Variants in CEP131 observed in about 807,000 individuals in gnomAD.
CEP131 encodes centrosomal protein 131.
CEP131 carries 99 observed loss-of-function variants against 136.8 expected under a neutral mutation model. That is an observed-to-expected ratio of 0.72 (90% CI 0.62 to 0.86). The LOEUF (loss-of-function observed/expected upper bound fraction) is 0.86, where lower values mean the gene tolerates loss of function less well. Ranked by LOEUF, CEP131 falls within the 40% of genes least tolerant of loss-of-function variation. The pLI is 0.00. For synonymous variants in CEP131, 646 were observed against 612.7 expected (o/e 1.05, Z -0.80); for missense variants, 1,459 against 1,463.0 (o/e 1.00, Z 0.04).
chr17:81,190,597 T>C lies in CEP131; in HGVS notation c.3107+42A>G, dbSNP rs1028551068. 2.0e-6 allele frequency: 3 copies of C among 1,505,168 alleles called. No homozygotes were observed. The African/African-American group carries it at 4.2e-5, about 21-fold the overall frequency. 93.2% of individuals were successfully genotyped at this position (1,505,168 alleles called of 1,614,324 possible). On this transcript the variant is annotated intron_variant, in intron 24 of 25. Coordinates refer to ENST00000450824, the MANE Select transcript of CEP131 (RefSeq NM_014984.4). ...GCTGCAGAGGTCCTGCCCGCTCCCC[T>C]GCCCCGCCTCCGTCTCCAGCCCTGC...
rs531909883 is a variant in CEP131, at chr17:81,219,372, C to A, written c.177+508G>T. Among the ~76,000 whole-genome samples the A allele has an allele frequency of 5.3e-5, 8 of 151,578 alleles. No individual in the cohort carries two copies. Among genetic ancestry groups the A allele is most frequent in the African/African-American group, 1.7e-4 (7 of 41,300 alleles). ...GCAACGGCACGATCTCGGCTCACCG[C>A]AACCTCTGCCTCCTGGGTTCGAGCA... On this transcript the variant is annotated intron_variant, in intron 2 of 25. Coordinates refer to ENST00000450824, the MANE Select transcript of CEP131 (RefSeq NM_014984.4). This position sits in a 1 kb window ranked among gnomAD's most constrained non-coding sequence, Gnocchi z 4.0.
chr17:81,211,960 A>G (rs1352121290), intron 2 of CEP131, among the ~76,000 whole-genome samples: 1 of 151,282 alleles, frequency 6.6e-6, no homozygotes, highest in African/African-American at 2.4e-5. Flanking sequence ...GAAAAAATAG[A>G]AAAATCAGCA....
In CEP131 at chr17:81,219,873, T is replaced by C. The variant is rs1367568741; in HGVS notation, c.177+7A>G. 3 of 1,592,726 alleles carry C rather than the reference T, an allele frequency of 1.9e-6. No individual in the cohort carries two copies. The South Asian group carries it at 3.4e-5, about 18-fold the overall frequency. On this transcript the variant is annotated splice_region_variant and intron_variant, in intron 2 of 25. Coordinates refer to ENST00000450824, the MANE Select transcript of CEP131 (RefSeq NM_014984.4). The surrounding 1 kb of genome is among the most constrained non-coding windows in gnomAD (Gnocchi z 4.0). Reference sequence around the variant, plus strand: ...AGGGGCCCGGACTCCTAGGCCACAGTACTCACCAGCACCTTCCTCTTCTGC... The same window carrying C: ...AGGGGCCCGGACTCCTAGGCCACAGCACTCACCAGCACCTTCCTCTTCTGC...
chr17:81,216,632 T>C (rs2062252254), intron 2 of CEP131, among the ~76,000 whole-genome samples: 1 of 151,882 alleles, frequency 6.6e-6, no homozygotes, highest in Non-Finnish European at 1.5e-5. Context: ...GTGCCCAGAG[T>C]AAGTGTGGGT....
rs147896082 is a variant in CEP131, at chr17:81,203,579, C to A, written c.544G>T (p.Val182Phe). 6.2e-7 allele frequency: 1 copy of A among 1,603,594 alleles called. No individual in the cohort carries two copies. Among genetic ancestry groups the A allele is most frequent in the Non-Finnish European group, 8.5e-7 (1 of 1,175,892 alleles). The change falls in exon 6 of 26, where the codon GTC (valine) becomes TTC (phenylalanine). Residue 182 changes from valine (V) to phenylalanine (F), a missense_variant. By Grantham distance (50) the Val-to-Phe change is conservative. Around this residue, in one of 3 missense-constraint regions of CEP131, gnomAD observed 246 missense variants for 318.9 expected, o/e 0.77. Coordinates refer to ENST00000450824, the MANE Select transcript of CEP131 (RefSeq NM_014984.4). The surrounding 1 kb of genome is among the most constrained non-coding windows in gnomAD (Gnocchi z 4.6). ...TAGCGGTTGTGCACCATGGTGGTGACGCAGTTGCCCACTGCTCCCTTGTTG... is the reference window on the plus strand; with the variant it reads ...TAGCGGTTGTGCACCATGGTGGTGAAGCAGTTGCCCACTGCTCCCTTGTTG... The part of the protein sequence containing the change: ...RSNKGAVGNC[V>F]TTMVHNRYTP...
intron 16 of CEP131, 26 bp downstream of exon 16, chr17:81,195,809 C>A (rs1392261648): frequency 5.0e-6 from 8 of 1,587,372 alleles, no homozygotes; most frequent in Non-Finnish European, 6.8e-6. Flanking sequence ...GCTTGGGACG[C>A]CGTGCAGTAG....
intron 2 of CEP131, among the ~76,000 whole-genome samples, chr17:81,218,168 G>A (rs1052296561): frequency 3.9e-5 from 6 of 152,094 alleles, no homozygotes; most frequent in Non-Finnish European, 7.3e-5. Context: ...TCAGCCTCCT[G>A]AGTAGCTGGG....
chr17:81,215,444 C>T lies in CEP131; in HGVS notation c.177+4436G>A, dbSNP rs1200787871. Among the ~76,000 whole-genome samples, 4 of 152,084 alleles carry T rather than the reference C, an allele frequency of 2.6e-5. No homozygotes were observed. Among genetic ancestry groups the T allele is most frequent in the South Asian group, 2.1e-4 (1 of 4,810 alleles). ...TTTAATTTTTTTTGAAATGGAGTCTCGCTGTCACCCAGGCTAGAGTGTGGT... is the reference window on the plus strand; with the variant it reads ...TTTAATTTTTTTTGAAATGGAGTCTTGCTGTCACCCAGGCTAGAGTGTGGT... On this transcript the variant is annotated intron_variant, in intron 2 of 25. Coordinates refer to ENST00000450824, the MANE Select transcript of CEP131 (RefSeq NM_014984.4). The surrounding 1 kb of genome is among the most constrained non-coding windows in gnomAD (Gnocchi z 4.1).
chr17:81,205,260 A>G (rs1211373534), intron 5 of CEP131, among the ~76,000 whole-genome samples: 1 of 151,862 alleles, frequency 6.6e-6, no homozygotes, highest in Non-Finnish European at 1.5e-5. Flanking sequence ...CTTCGTCTCA[A>G]AAACAAAAAC....
At chr17:81,213,290 T>C (rs1477462753) in intron 2 of CEP131, among the ~76,000 whole-genome samples, 1 of 152,226 alleles carries the variant, frequency 6.6e-6, no homozygotes, top group African/African-American at 2.4e-5. Context: ...CCAGGTGCAG[T>C]GGCTCATGCC....
At position 81,200,213 on chromosome 17, in the gene CEP131, C is replaced by T. The variant is rs531155914; in HGVS notation, c.906+116G>A. ...TCAAGAAGGATGCTGCACCCAGAGA[C>T]GGGGCCCACGAGCAATCCTAGGCTT... On this transcript the variant is annotated intron_variant, in intron 8 of 25. Coordinates refer to ENST00000450824, the MANE Select transcript of CEP131 (RefSeq NM_014984.4). 1.4e-4 allele frequency: 112 copies of T among 809,876 alleles called. 1 individual carries two copies. The Middle Eastern group carries it at 1.4e-3, about 10-fold the overall frequency. 50.2% of individuals were successfully genotyped at this position (809,876 alleles called of 1,614,324 possible).
At chr17:81,218,630 C>T (rs2725391) in intron 2 of CEP131, among the ~76,000 whole-genome samples, 58,286 of 152,312 alleles carry the variant, frequency 0.38, 13,368 homozygotes, top group East Asian at 0.56. Context: ...CAGGACATCC[C>T]GGGTCCCCGC....
In CEP131 at chr17:81,207,157, G is replaced by C. The variant is rs778916273; in HGVS notation, c.355C>G (p.Pro119Ala). The change falls in exon 4 of 26, where the codon CCC (proline) becomes GCC (alanine). Residue 119 changes from proline (P) to alanine (A), a missense_variant. Pro to Ala is a conservative substitution (Grantham distance 27). Coordinates refer to ENST00000450824, the MANE Select transcript of CEP131 (RefSeq NM_014984.4). ...KKRPASLSTA[P>A]SEKGATWNVL... ...TTCCAGGTGGCTCCCTTCTCGCTGG[G>C]GGCTGTGCTCAGGCTGGCAGGCCTC... 6.2e-7 allele frequency: 1 copy of C among 1,613,502 alleles called. No individual in the cohort carries two copies. Among genetic ancestry groups the C allele is most frequent in the South Asian group, 1.1e-5 (1 of 91,060 alleles).
At chr17:81,196,145 G>A (rs112184329) in intron 15 of CEP131, among the ~76,000 whole-genome samples, 194 bp from the exon 16 acceptor site, 1 of 152,180 alleles carries the variant, frequency 6.6e-6, no homozygotes, top group Admixed American at 6.5e-5. Context: ...GCCTGCATCC[G>A]CCGTCCTGTC....
At position 81,216,860 on chromosome 17, in the gene CEP131, G is replaced by T. The variant is rs373525566; in HGVS notation, c.177+3020C>A. Among the ~76,000 whole-genome samples the T allele has an allele frequency of 2.4e-4, 37 of 152,268 alleles. No homozygotes were observed. The East Asian group carries it at 6.4e-3, about 26-fold the overall frequency. On this transcript the variant is annotated intron_variant, in intron 2 of 25. Coordinates refer to ENST00000450824, the MANE Select transcript of CEP131 (RefSeq NM_014984.4). ...CTTCATCCTGTCTCCATTTTCCTGGGGTCAGTTTCGCAGCCTCCAAGAGGA... is the reference window on the plus strand; with the variant it reads ...CTTCATCCTGTCTCCATTTTCCTGGTGTCAGTTTCGCAGCCTCCAAGAGGA...
chr17:81,208,002 G>GAC lies in CEP131; in HGVS notation c.273-765_273-764dup. Among the ~76,000 whole-genome samples, 1 of 2,276 alleles carries GAC rather than the reference G, an allele frequency of 4.4e-4. No homozygotes were observed. The highest frequency in any genetic ancestry group is 1.7e-3 in the African/African-American group (1 of 596). The allele number at this position is 2,276 out of a possible 152,430, so 1.5% of individuals were successfully genotyped here. On this transcript the variant is annotated intron_variant, in intron 3 of 25. Coordinates refer to ENST00000450824, the MANE Select transcript of CEP131 (RefSeq NM_014984.4). The surrounding 1 kb of genome is among the most constrained non-coding windows in gnomAD (Gnocchi z 5.6). ...TGCACCACTCACAAACCACACCCCAGACACACACCACTCACACCACACACC... is the reference window on the plus strand; with the variant it reads ...TGCACCACTCACAAACCACACCCCAGACACACACACCACTCACACCACACACC...
intron 2 of CEP131, among the ~76,000 whole-genome samples, chr17:81,217,695 GAAGTGAACAGCTGGAACAT>G (rs2062280116): frequency 6.6e-6 from 1 of 152,208 alleles, no homozygotes; most frequent in Non-Finnish European, 1.5e-5. Flanking sequence ...TCAAAGAATT[GAAGTGAACAGCTGGAACAT>G]TCCATGAACG....
In CEP131 at chr17:81,219,898, C is replaced by A; in HGVS notation, c.159G>T (p.Glu53Asp). ...TACTCACCAGCACCTTCCTCTTCTG[C>A]TCGCTGCCTGTGACCACGGAGACAG... ...VRSVSVVTGSEQKRKVLEATG... is the reference protein window; with the variant it reads ...VRSVSVVTGSDQKRKVLEATG... Residue 53 changes from glutamate (E) to aspartate (D), a missense_variant, in exon 2 of 26, where the codon GAG (glutamate) becomes GAT (aspartate). Transcript: ENST00000450824. The surrounding 1 kb of genome is among the most constrained non-coding windows in gnomAD (Gnocchi z 4.0). 6.2e-7 allele frequency: 1 copy of A among 1,608,346 alleles called. No individual in the cohort carries two copies. Among genetic ancestry groups the A allele is most frequent in the Admixed American group, 1.7e-5 (1 of 59,232 alleles).
chr17:81,198,777 G>A, intron 11 of CEP131, 100 bp downstream of exon 11: 1 of 1,223,610 alleles, frequency 8.2e-7, no homozygotes, highest in South Asian at 1.3e-5. Context: ...CCCTAGAGCA[G>A]AGGAGGGGCT....
Sources: allele counts gnomAD v4.1 joint callset (sites outside exome capture counted in the v4.1 genomes callset), GRCh38; gene constraint gnomAD v4.1.1; regional missense constraint gnomAD v4.1.1; non-coding constraint Gnocchi (gnomAD v3.1); transcripts MANE v1.5; gene names NCBI Gene and HGNC (gene_info 2026-07-23, HGNC 2026-07-21).